NLN: variants seen among roughly 807,000 people sequenced by gnomAD.
The protein encoded by NLN is neurolysin, mitochondrial.
Under a neutral mutation model 79.9 loss-of-function variants are expected in NLN, and 64 were observed. The observed-to-expected ratio is 0.80, with a 90% CI of 0.65 to 0.99. NLN has a LOEUF of 0.99. Ranked by LOEUF, NLN falls within the 50% of genes least tolerant of loss-of-function variation. The probability of loss-of-function intolerance (pLI) is 0.00; values close to 1 mark genes in which losing one functional copy is unlikely to be tolerated. For synonymous variants in NLN, 267 were observed against 296.6 expected (o/e 0.90, Z 1.02); for missense variants, 835 against 858.7 (o/e 0.97, Z 0.34).
In NLN at chr5:65,734,080, G is replaced by A. The variant is rs1193980705; in HGVS notation, c.41+11666G>A. Among the ~76,000 whole-genome samples the A allele has an allele frequency of 1.4e-5, 2 of 138,296 alleles. 1 individual carries two copies. The highest frequency in any genetic ancestry group is 3.2e-5 in the Non-Finnish European group (2 of 62,846). The allele number at this position is 138,296 out of a possible 152,430, so 90.7% of individuals were successfully genotyped here. A position where few individuals can be genotyped will look rare whatever the true frequency, so the allele number is the denominator to read the frequency against. ...ACCCAGCTAATTTTTGGTATTTTTA[G>A]TAGAGTCAGGGTTTCACCAAGTTAG... On this transcript the variant is annotated intron_variant, in intron 1 of 12. Transcript: ENST00000380985.
At chr5:65,744,946 T>C (rs1758943020) in intron 1 of NLN, among the ~76,000 whole-genome samples, 1 of 152,180 alleles carries the variant, frequency 6.6e-6, no homozygotes, top group Non-Finnish European at 1.5e-5. Context: ...TTTGTTTGAG[T>C]ACTTTAAGGA....
intron 3 of NLN, among the ~76,000 whole-genome samples, chr5:65,770,495 G>A (rs1759543564): frequency 6.6e-6 from 1 of 152,120 alleles, no homozygotes; most frequent in South Asian, 2.1e-4. Context: ...CACAAGATTG[G>A]CAAAGATTAA....
chr5:65,745,630 T>G (rs1758960593), intron 1 of NLN, among the ~76,000 whole-genome samples: 1 of 152,080 alleles, frequency 6.6e-6, no homozygotes, highest in South Asian at 2.1e-4. Flanking sequence ...GCTTAACAGT[T>G]TGAGGGAGAT....
At chr5:65,788,583 C>T (rs1025939346) in intron 8 of NLN, 99 bp downstream of exon 8, 2 of 1,265,696 alleles carry the variant, frequency 1.6e-6, no homozygotes, top group Non-Finnish European at 2.2e-6. Context: ...TGCCTGTAAT[C>T]CCAACACTTT....
intron 3 of NLN, among the ~76,000 whole-genome samples, chr5:65,773,757 A>G (rs998387031): frequency 6.6e-6 from 1 of 152,072 alleles, no homozygotes; most frequent in African/African-American, 2.4e-5. Flanking sequence ...AGCCTGGGCA[A>G]CATGATTAAA....
At position 65,791,014 on chromosome 5, in the gene NLN, G is replaced by T. The variant is rs537583404; in HGVS notation, c.1326-1440G>T. On this transcript the variant is annotated intron_variant, in intron 8 of 12. Transcript: ENST00000380985. ...AGAGAGTAATCTTTGTGAAAGTAGTGACCTAGTTAATACTTACTTCCTGTC... is the reference window on the plus strand; with the variant it reads ...AGAGAGTAATCTTTGTGAAAGTAGTTACCTAGTTAATACTTACTTCCTGTC... 3.3e-5 allele frequency among the ~76,000 whole-genome samples: 5 copies of T among 152,310 alleles called. No homozygotes were observed. In the East Asian group the frequency reaches 7.7e-4, roughly 23 times the overall value.
rs556547703 is a variant in NLN at position 65,765,871 on chromosome 5, A to G, written c.450+2763A>G. 8.5e-5 allele frequency among the ~76,000 whole-genome samples: 13 copies of G among 152,364 alleles called. No homozygotes were observed. The South Asian group carries it at 1.7e-3, about 19-fold the overall frequency. On this transcript the variant is annotated intron_variant, in intron 3 of 12. Transcript: ENST00000380985. ...AATAATATATGTAATAATCAAATAT[A>G]TTATCCCAATTGGATATAAAATGTT...
chr5:65,827,182 C>T lies in NLN; in HGVS notation c.*4267C>T, dbSNP rs1760936076. 6.6e-6 allele frequency: 1 copy of T among 152,080 alleles called. No homozygotes were observed. The highest frequency in any genetic ancestry group is 2.4e-5 in the African/African-American group (1 of 41,390). The allele number at this position is 152,080 out of a possible 1,614,324, so 9.4% of individuals were successfully genotyped here. A position where few individuals can be genotyped will look rare whatever the true frequency, so the allele number is the denominator to read the frequency against. The stretch of plus-strand genomic sequence containing the variant: ...ATTTGAAAAATTGAGGTAATGTACA[C>T]AGCGATGCACACACCCCCACACCAC... On this transcript the variant is annotated 3_prime_UTR_variant, in exon 13 of 13. Transcript: ENST00000380985.
intron 1 of NLN, among the ~76,000 whole-genome samples, chr5:65,749,636 A>T (rs1759060102): frequency 1.3e-5 from 2 of 152,220 alleles, no homozygotes. Flanking sequence ...GTATGCTGTG[A>T]AAGGACACAG....
intron 5 of NLN, 25 bp downstream of exon 5, chr5:65,780,306 T>A (rs751946522): frequency 3.2e-6 from 3 of 929,564 alleles, no homozygotes; most frequent in South Asian, 3.1e-5. Context: ...TTTTCTAGAT[T>A]AAATCATATA....
chr5:65,816,993 C>A (rs949993190), intron 12 of NLN, among the ~76,000 whole-genome samples: 6 of 152,082 alleles, frequency 3.9e-5, no homozygotes, highest in African/African-American at 9.7e-5. Flanking sequence ...TGTGTCCAGG[C>A]CTTCCTTCTC....
chr5:65,786,496 C>T (rs1321903574), intron 7 of NLN, among the ~76,000 whole-genome samples: 8 of 151,960 alleles, frequency 5.3e-5, no homozygotes, highest in Non-Finnish European at 7.4e-5. Context: ...ATTCATGAGA[C>T]GTTTATGAAA....
At chr5:65,808,190 G>A (rs1156767907) in intron 9 of NLN, among the ~76,000 whole-genome samples, 2 of 152,108 alleles carry the variant, frequency 1.3e-5, no homozygotes, top group African/African-American at 4.8e-5. Context: ...CAATTATAAT[G>A]AGAAATCAAG....
In NLN at chr5:65,757,635, G is replaced by A. The variant is rs148785312; in HGVS notation, c.42-932G>A. Among the ~76,000 whole-genome samples the A allele has an allele frequency of 5.9e-5, 9 of 152,292 alleles. 2 individuals carry two copies. Among genetic ancestry groups the A allele is most frequent in the African/African-American group, 2.2e-4 (9 of 41,574 alleles). ...ATGTATGCATATGTATATAGACAGA[G>A]AGAGAAACATGGCATCAGTATTACT... is the stretch of plus-strand genomic sequence containing the variant. On this transcript the variant is annotated intron_variant, in intron 1 of 12. Coordinates refer to ENST00000380985, the MANE Select transcript of NLN (RefSeq NM_020726.5).
Position 65,823,090 on chromosome 5 carries a change from C to T in NLN, c.*175C>T, listed in dbSNP as rs922221188. The T allele has an allele frequency of 3.9e-6, 2 of 511,898 alleles. No individual in the cohort carries two copies. Among genetic ancestry groups the T allele is most frequent in the African/African-American group, 3.9e-5 (2 of 51,150 alleles). 31.7% of individuals were successfully genotyped at this position (511,898 alleles called of 1,614,324 possible). On this transcript the variant is annotated 3_prime_UTR_variant, in exon 13 of 13. Transcript: ENST00000380985. ...GTAAATGGAATTATAAATACTGTGA[C>T]CTAAGAAAAGACCCACTAGAAAGTA...
At chr5:65,745,361 A>C (rs1758953582) in intron 1 of NLN, among the ~76,000 whole-genome samples, 2 of 152,216 alleles carry the variant, frequency 1.3e-5, no homozygotes, top group Admixed American at 6.5e-5. Context: ...TGGGAGTTGC[A>C]GCATCAGTAT....
At chr5:65,780,466 G>A (rs1005479590) in intron 5 of NLN, among the ~76,000 whole-genome samples, 185 bp downstream of exon 5, 2 of 151,518 alleles carry the variant, frequency 1.3e-5, no homozygotes, top group African/African-American at 4.8e-5. Flanking sequence ...ACCAAAATTA[G>A]ATTTTAGGCT....
chr5:65,731,442 C>T (rs1195720138), intron 1 of NLN, among the ~76,000 whole-genome samples: 5 of 152,132 alleles, frequency 3.3e-5, no homozygotes, highest in Admixed American at 1.3e-4. Flanking sequence ...AATAAAATCT[C>T]GAGAAATATT....
At position 65,746,731 on chromosome 5, in the gene NLN, G is replaced by A. The variant is rs1031980517; in HGVS notation, c.42-11836G>A. On this transcript the variant is annotated intron_variant, in intron 1 of 12. Transcript: ENST00000380985. ...CATTTAACATTTTGCTGAGCCGGGC[G>A]CGGTGGCTCACGCCTGTAATCCCAG... is the stretch of plus-strand genomic sequence containing the variant. 6.6e-5 allele frequency among the ~76,000 whole-genome samples: 10 copies of A among 152,320 alleles called. No homozygotes were observed. The South Asian group carries it at 1.0e-3, about 16-fold the overall frequency.
Sources: gnomAD v4.1 joint callset for allele counts (sites outside exome capture counted in the v4.1 genomes callset) on GRCh38, gnomAD v4.1.1 for gene constraint, MANE v1.5 for transcripts, NCBI Gene and HGNC (gene_info 2026-07-23, HGNC 2026-07-21) for gene names.